Variants in DHRS7B observed in about 807,000 individuals in gnomAD.
DHRS7B encodes the protein peroxisomal reductase activating PPAR-gamma.
A neutral mutation model predicts 26.4 loss-of-function variants in DHRS7B; 24 were observed. The ratio of observed to expected loss-of-function variants is 0.91; its 90% CI spans 0.66 to 1.28. DHRS7B has a LOEUF of 1.28. Among genes scored for constraint, DHRS7B ranks in the 50% most tolerant of loss-of-function variants. The probability of loss-of-function intolerance (pLI) is 0.00; values close to 1 mark genes in which losing one functional copy is unlikely to be tolerated. For synonymous variants in DHRS7B, 142 were observed against 166.4 expected (o/e 0.85, Z 1.13); for missense variants, 368 against 419.4 (o/e 0.88, Z 1.07).
intron 1 of DHRS7B, among the ~76,000 whole-genome samples, chr17:21,157,006 A>C (rs1299744508): frequency 6.6e-6 from 1 of 152,194 alleles, no homozygotes; most frequent in African/African-American, 2.4e-5. Flanking sequence ...CAATCTGCCA[A>C]AACTCACGCA....
chr17:21,178,403 G>T, intron 3 of DHRS7B, 61 bp downstream of exon 3: 1 of 1,381,112 alleles, frequency 7.2e-7, no homozygotes. Flanking sequence ...TAGGCACTGA[G>T]GAGATAGTGG....
chr17:21,134,826 G>C (rs1199329420), intron 1 of DHRS7B, among the ~76,000 whole-genome samples: 1 of 152,132 alleles, frequency 6.6e-6, no homozygotes, highest in Non-Finnish European at 1.5e-5. Flanking sequence ...GAAAAGTTTT[G>C]AGACTCTGAA....
At chr17:21,155,112 AATATGG>A (rs1174388475) in intron 1 of DHRS7B, among the ~76,000 whole-genome samples, 3 of 152,242 alleles carry the variant, frequency 2.0e-5, no homozygotes, top group Non-Finnish European at 4.4e-5. Context: ...AAAATTAACG[AATATGG>A]TAGCTATTAA....
rs1480037331 is a variant in DHRS7B at position 21,140,684 on chromosome 17, GA to G, written c.20+13699del. On this transcript the variant is annotated intron_variant, in intron 1 of 6. Coordinates refer to ENST00000395511, the MANE Select transcript of DHRS7B (RefSeq NM_015510.5). ...CAGCAGATTGAGAGCAGGCAGAAAA[GA>G]AAAAATAGAGAAAAAGAGTACTTAG... Among the ~76,000 whole-genome samples, 5 of 152,100 alleles carry G rather than the reference GA, an allele frequency of 3.3e-5. No individual in the cohort carries two copies. The East Asian group carries it at 9.6e-4, about 29-fold the overall frequency.
chr17:21,137,260 G>A (rs1006013969), intron 1 of DHRS7B, among the ~76,000 whole-genome samples: 7 of 147,944 alleles, frequency 4.7e-5, no homozygotes, highest in Admixed American at 6.8e-5. Context: ...AATTATAGGC[G>A]TGAGCCACTG....
intron 1 of DHRS7B, among the ~76,000 whole-genome samples, chr17:21,143,451 C>T (rs1309849018): frequency 1.3e-5 from 2 of 152,068 alleles, no homozygotes; most frequent in Non-Finnish European, 1.5e-5. Context: ...ACAGGATGGG[C>T]AAAATGTTAA....
chr17:21,136,868 T>A (rs1317585381), intron 1 of DHRS7B, among the ~76,000 whole-genome samples: 1 of 152,120 alleles, frequency 6.6e-6, no homozygotes, highest in African/African-American at 2.4e-5. Flanking sequence ...AAAAAGTTTT[T>A]TAATCTCAGT....
At chr17:21,152,748 A>C (rs890226514) in intron 1 of DHRS7B, among the ~76,000 whole-genome samples, 1 of 152,178 alleles carries the variant, frequency 6.6e-6, no homozygotes. Context: ...GTAATACTCA[A>C]CCTCAGCTCA....
chr17:21,140,917 G>T (rs151154889), intron 1 of DHRS7B, among the ~76,000 whole-genome samples: 1 of 151,660 alleles, frequency 6.6e-6, no homozygotes, highest in East Asian at 1.9e-4. Context: ...TTAAAAGGGG[G>T]AACTGAGCTT....
chr17:21,171,677 G>A, intron 1 of DHRS7B: 1 of 409,640 alleles, frequency 2.4e-6, no homozygotes. Flanking sequence ...GCCAACACAG[G>A]TTTCCGAAGG....
rs373237004 is a variant in DHRS7B at position 21,178,213 on chromosome 17, G to C, written c.200-20G>C. The C allele has an allele frequency of 6.2e-7, 1 of 1,610,466 alleles. No homozygotes were observed. Among genetic ancestry groups the C allele is most frequent in the Non-Finnish European group, 8.5e-7 (1 of 1,176,904 alleles). On this transcript the variant is annotated intron_variant, in intron 2 of 6. Transcript: ENST00000395511. ...GCACTGAGGAAGAATGGCTGTCAAG[G>C]CTCTTTTCTCTTCCCTTAGAATGTG... is the stretch of plus-strand genomic sequence containing the variant.
chr17:21,143,950 A>G (rs1973584675), intron 1 of DHRS7B, among the ~76,000 whole-genome samples: 1 of 152,246 alleles, frequency 6.6e-6, no homozygotes, highest in African/African-American at 2.4e-5. Flanking sequence ...GGCACAGGAA[A>G]CAGAGAGATG....
At chr17:21,156,603 TC>T (rs1973886140) in intron 1 of DHRS7B, among the ~76,000 whole-genome samples, 1 of 144,416 alleles carries the variant, frequency 6.9e-6, no homozygotes. Flanking sequence ...AGACTCCATC[TC>T]AAAAAATAAT....
chr17:21,136,851 C>A lies in DHRS7B; in HGVS notation c.20+9860C>A, dbSNP rs1409896229. Among the ~76,000 whole-genome samples, 9 of 152,004 alleles carry A rather than the reference C, an allele frequency of 5.9e-5. No individual in the cohort carries two copies. In the East Asian group the frequency reaches 1.7e-3, roughly 29 times the overall value. ...GATTACAGGTGTGAGCCACCGCACC[C>A]AGTCAAAAAAAGTTTTTTAATCTCA... On this transcript the variant is annotated intron_variant, in intron 1 of 6. Coordinates refer to ENST00000395511, the MANE Select transcript of DHRS7B (RefSeq NM_015510.5).
Position 21,191,226 on chromosome 17 carries a change from AT to A in DHRS7B, c.*76del. 1 of 1,456,826 alleles carries A rather than the reference AT, an allele frequency of 6.9e-7. No homozygotes were observed. Among genetic ancestry groups the A allele is most frequent in the Non-Finnish European group, 9.5e-7 (1 of 1,050,034 alleles). The allele number at this position is 1,456,826 out of a possible 1,614,324, so 90.2% of individuals were successfully genotyped here. A position where few individuals can be genotyped will look rare whatever the true frequency, so the allele number is the denominator to read the frequency against. Reference sequence around the variant, plus strand: ...TGCTTACTCTACAAGGGACAGTTGCATTTGTTGAGACTTTAATGGAGATTTG... The same window carrying A: ...TGCTTACTCTACAAGGGACAGTTGCATTGTTGAGACTTTAATGGAGATTTG... On this transcript the variant is annotated 3_prime_UTR_variant, in exon 7 of 7. Transcript: ENST00000395511.
At chr17:21,149,016 T>G (rs1028265356) in intron 1 of DHRS7B, among the ~76,000 whole-genome samples, 1 of 152,022 alleles carries the variant, frequency 6.6e-6, no homozygotes, top group Admixed American at 6.6e-5. Context: ...CCAAGGCATA[T>G]AATAATCAGA....
At chr17:21,176,237 C>T (rs1190104584) in intron 2 of DHRS7B, among the ~76,000 whole-genome samples, 1 of 152,026 alleles carries the variant, frequency 6.6e-6, no homozygotes, top group Non-Finnish European at 1.5e-5. Flanking sequence ...ATCCTTCTGC[C>T]TCAGCTTCCC....
chr17:21,186,966 G>A (rs12325807), intron 5 of DHRS7B, among the ~76,000 whole-genome samples: 59,960 of 151,864 alleles, frequency 0.39, 13,027 homozygotes, highest in Non-Finnish European at 0.49. Flanking sequence ...TCACTGGGGA[G>A]GACTAGGCAG....
chr17:21,152,811 C>A (rs917634181), intron 1 of DHRS7B, among the ~76,000 whole-genome samples: 1 of 152,168 alleles, frequency 6.6e-6, no homozygotes, highest in Non-Finnish European at 1.5e-5. Context: ...CCTCTCTAGC[C>A]ATCCTGTCCC....
Sources: allele counts gnomAD v4.1 joint callset (sites outside exome capture counted in the v4.1 genomes callset), GRCh38; gene constraint gnomAD v4.1.1; transcripts MANE v1.5; gene names NCBI Gene and HGNC (gene_info 2026-07-23, HGNC 2026-07-21).